The following SEC11A variants were observed in gnomAD, a reference collection of about 807,000 sequenced individuals.
SEC11A encodes signal peptidase complex catalytic subunit SEC11A.
A neutral mutation model predicts 25.6 loss-of-function variants in SEC11A; 14 were observed. The ratio of observed to expected loss-of-function variants is 0.55; its 90% CI spans 0.36 to 0.85. SEC11A has a LOEUF of 0.85. Ranked by LOEUF, SEC11A falls within the 40% of genes least tolerant of loss-of-function variation. The pLI is 0.01. For missense variants in SEC11A, 153 were observed against 222.9 expected (o/e 0.69, Z 2.00); for synonymous variants, 83 against 76.4 (o/e 1.09, Z -0.45).
intron 2 of SEC11A, among the ~76,000 whole-genome samples, chr15:84,691,030 T>C (rs1897588926): frequency 6.6e-6 from 1 of 151,648 alleles, no homozygotes; most frequent in South Asian, 2.1e-4. Context: ...CCCTTTGGAG[T>C]TCTGAATGGA....
intron 4 of SEC11A, chr15:84,673,436 A>G: frequency 5.3e-6 from 1 of 187,996 alleles, no homozygotes; most frequent in Non-Finnish European, 1.1e-5. Context: ...TTGGGAAAAA[A>G]AAAAAAAAAA....
chr15:84,687,639 C>G lies in SEC11A; in HGVS notation c.297G>C (p.Leu99Phe). The part of the protein sequence containing the change: ...GREIPIVHRV[L>F]KIHEKQNGHI... ...TTTGCACATACTTTTCATGAATCTT[C>G]AAGACTCGGTGAACTATAGGAATCT... The change falls in exon 3 of 6, where the codon TTG (leucine) becomes TTC (phenylalanine). Residue 99 changes from leucine to phenylalanine, a missense_variant. By Grantham distance (22) the Leu-to-Phe change is conservative. Coordinates refer to ENST00000268220, the MANE Select transcript of SEC11A (RefSeq NM_014300.4). 6.3e-7 allele frequency: 1 copy of G among 1,577,410 alleles called. No homozygotes were observed. The highest frequency in any genetic ancestry group is 8.5e-7 in the Non-Finnish European group (1 of 1,171,156).
At chr15:84,675,914 T>C (rs1897120809) in intron 4 of SEC11A, among the ~76,000 whole-genome samples, 1 of 152,240 alleles carries the variant, frequency 6.6e-6, no homozygotes, top group Admixed American at 6.5e-5. Context: ...CTACGCATTG[T>C]ATGATTCTGC....
intron 2 of SEC11A, among the ~76,000 whole-genome samples, chr15:84,688,407 A>AGACAATTC (rs1489858248): frequency 6.6e-5 from 10 of 152,234 alleles, no homozygotes; most frequent in African/African-American, 2.4e-4. Context: ...TTCCATGGTA[A>AGACAATTC]CAAGTAAGAC....
chr15:84,702,079 A>G (rs112127169), intron 1 of SEC11A, among the ~76,000 whole-genome samples: 1 of 151,418 alleles, frequency 6.6e-6, no homozygotes, highest in African/African-American at 2.4e-5. Context: ...AACAATGATA[A>G]TAATAATAAT....
chr15:84,675,643 ATTC>A (rs1897114067), intron 4 of SEC11A, among the ~76,000 whole-genome samples: 1 of 152,148 alleles, frequency 6.6e-6, no homozygotes, highest in Admixed American at 6.6e-5. Flanking sequence ...TATATTTTTA[ATTC>A]TTCTTTCCAT....
intron 4 of SEC11A, chr15:84,679,126 T>C (rs1897218794): frequency 2.6e-6 from 1 of 378,442 alleles, no homozygotes; most frequent in Non-Finnish European, 4.6e-6. Context: ...GACTTTGCTT[T>C]TTGATTATTG....
At position 84,669,952 on chromosome 15, in the gene SEC11A, A is replaced by G. The variant is rs985595650; in HGVS notation, c.*67T>C. 13 of 1,610,180 alleles carry G rather than the reference A, an allele frequency of 8.1e-6. No homozygotes were observed. The highest frequency in any genetic ancestry group is 3.3e-5 in the South Asian group (3 of 89,846). On this transcript the variant is annotated 3_prime_UTR_variant, in exon 6 of 6. Coordinates refer to ENST00000268220, the MANE Select transcript of SEC11A (RefSeq NM_014300.4). ...TTCTCCATTCCACCAATCACAGACC[A>G]GTATCTACTCCAAACATCCAGTAAC...
chr15:84,689,448 ATTAC>A (rs1016438204), intron 2 of SEC11A, among the ~76,000 whole-genome samples: 23 of 152,148 alleles, frequency 1.5e-4, no homozygotes, highest in African/African-American at 5.3e-4. Flanking sequence ...TCTAAGTACT[ATTAC>A]TTAGGTTCTA....
chr15:84,701,257 G>A (rs1201408464), intron 1 of SEC11A, among the ~76,000 whole-genome samples: 1 of 151,230 alleles, frequency 6.6e-6, no homozygotes, highest in Non-Finnish European at 1.5e-5. Context: ...AGGATCACTT[G>A]AGCCTATGAG....
At chr15:84,675,142 A>C (rs2141870487) in intron 4 of SEC11A, among the ~76,000 whole-genome samples, 1 of 152,372 alleles carries the variant, frequency 6.6e-6, no homozygotes, top group Admixed American at 6.5e-5. Flanking sequence ...TCATGTGCTA[A>C]AGCAGAGTTG....
At chr15:84,676,104 T>C (rs888008277) in intron 4 of SEC11A, among the ~76,000 whole-genome samples, 8 of 152,218 alleles carry the variant, frequency 5.3e-5, no homozygotes, top group Admixed American at 3.3e-4. Flanking sequence ...CTTGTGAATA[T>C]ACTGAAACCC....
At chr15:84,696,639 G>C (rs1897775660) in intron 1 of SEC11A, among the ~76,000 whole-genome samples, 1 of 152,070 alleles carries the variant, frequency 6.6e-6, no homozygotes, top group Non-Finnish European at 1.5e-5. Context: ...GGTAATACTT[G>C]CATGTACCCT....
chr15:84,699,362 C>CTGTT (rs1046263228), intron 1 of SEC11A, among the ~76,000 whole-genome samples: 3 of 150,704 alleles, frequency 2.0e-5, no homozygotes, highest in African/African-American at 7.3e-5. Context: ...ACAAAATATG[C>CTGTT]TGTTCTAGCC....
chr15:84,713,350 G>A (rs1167174006), intron 1 of SEC11A, among the ~76,000 whole-genome samples: 1 of 151,980 alleles, frequency 6.6e-6, no homozygotes, highest in Non-Finnish European at 1.5e-5. Flanking sequence ...GGTATAAGCA[G>A]AGAAGTTATG....
intron 1 of SEC11A, among the ~76,000 whole-genome samples, chr15:84,694,378 T>C (rs1368763562): frequency 6.6e-6 from 1 of 151,664 alleles, no homozygotes; most frequent in African/African-American, 2.4e-5. Flanking sequence ...GAAAATAAAA[T>C]AAATGTTAGT....
chr15:84,715,065 C>G (rs1016913257), intron 1 of SEC11A, among the ~76,000 whole-genome samples: 2 of 152,088 alleles, frequency 1.3e-5, no homozygotes, highest in Admixed American at 1.3e-4. Context: ...AGAATTGACA[C>G]TGAGCTAGCT....
At chr15:84,678,329 A>G (rs1897195041) in intron 4 of SEC11A, among the ~76,000 whole-genome samples, 1 of 152,258 alleles carries the variant, frequency 6.6e-6, no homozygotes, top group Admixed American at 6.5e-5. Context: ...CAAAAGCCTT[A>G]ACATATGAGT....
chr15:84,685,851 GGAAT>G (rs1897407820), intron 3 of SEC11A: 1 of 134,426 alleles, frequency 7.4e-6, no homozygotes, highest in Non-Finnish European at 1.5e-5. Flanking sequence ...CATTCAGGCT[GGAAT>G]GCAGTGGCGT....
Sources: gnomAD v4.1 joint callset for allele counts (sites outside exome capture counted in the v4.1 genomes callset) on GRCh38, gnomAD v4.1.1 for gene constraint, MANE v1.5 for transcripts, NCBI Gene and HGNC (gene_info 2026-07-23, HGNC 2026-07-21) for gene names.